The following STAB2 variants were observed in gnomAD, a reference collection of about 807,000 sequenced individuals.
STAB2 encodes the protein stabilin-2.
In STAB2, 288 loss-of-function variants were observed where a neutral mutation model predicts 338.1. That is an observed-to-expected ratio of 0.85 (90% CI 0.77 to 0.94). The LOEUF is 0.94. Among genes scored for constraint, STAB2 ranks in the 40% least tolerant of loss-of-function variants. The pLI is 0.00. For synonymous variants in STAB2, 1,202 were observed against 1,193.3 expected, an observed-to-expected ratio of 1.01 and a Z score of -0.15; for missense variants, 3,141 against 3,210.1, an observed-to-expected ratio of 0.98 and a Z score of 0.52.
At chr12:103,602,513 T>C (rs974474718) in intron 3 of STAB2, among the ~76,000 whole-genome samples, 1 of 152,196 alleles carries the variant, frequency 6.6e-6, no homozygotes, top group Non-Finnish European at 1.5e-5. Context: ...GATTGTAGAG[T>C]AAAAATATGT....
chr12:103,654,996 C>T (rs893425147), intron 13 of STAB2: 92 of 552,300 alleles, frequency 1.7e-4, no homozygotes, highest in African/African-American at 1.5e-3. Flanking sequence ...TTATAGAGGG[C>T]AGTTATTGCT....
chr12:103,658,559 A>C (rs1388400151), intron 15 of STAB2, among the ~76,000 whole-genome samples: 1 of 152,074 alleles, frequency 6.6e-6, no homozygotes, highest in African/African-American at 2.4e-5. Context: ...TTTCCTATAG[A>C]AGCATCAGAA....
At chr12:103,761,465 C>T (rs1884534688) in intron 66 of STAB2, 55 bp downstream of exon 66, 4 of 1,488,194 alleles carry the variant, frequency 2.7e-6, no homozygotes, top group Admixed American at 1.7e-5. Context: ...TGCCCACTCA[C>T]CAACAGGCAA....
At position 103,759,221 on chromosome 12, in the gene STAB2, C is replaced by T. The variant is rs76827018; in HGVS notation, c.7196C>T (p.Thr2399Met). 80 of 1,614,168 alleles carry T rather than the reference C, an allele frequency of 5.0e-5. No individual in the cohort carries two copies. The African/African-American group carries it at 8.3e-4, about 17-fold the overall frequency. ...NDLVNGTTLQTRLGSKLLITA... is the reference protein window; with the variant it reads ...NDLVNGTTLQMRLGSKLLITA... Reference sequence around the variant, plus strand: ...CTTGTCAATGGCACCACCCTGCAAACGAGGCTGGGAAGCAAGCTGCTCATC... The same window carrying T: ...CTTGTCAATGGCACCACCCTGCAAATGAGGCTGGGAAGCAAGCTGCTCATC... Residue 2399 changes from threonine (T) to methionine (M), a missense_variant, in exon 65 of 69, where the codon ACG (threonine) becomes ATG (methionine). Transcript: ENST00000388887.
intron 61 of STAB2, 193 bp from the exon 62 acceptor site, chr12:103,755,109 T>C (rs981112864): frequency 3.0e-6 from 2 of 667,784 alleles, no homozygotes; most frequent in Admixed American, 5.6e-5. Context: ...GAGAGGACAC[T>C]TTTGTTCACC....
intron 31 of STAB2, among the ~76,000 whole-genome samples, chr12:103,694,628 G>A (rs1465441771): frequency 6.6e-6 from 1 of 152,076 alleles, no homozygotes; most frequent in Non-Finnish European, 1.5e-5. Context: ...GCTTTCTACT[G>A]TAGTATGCTG....
intron 68 of STAB2, among the ~76,000 whole-genome samples, chr12:103,765,120 GTAAGTTCAGC>G (rs1884842481): frequency 6.7e-6 from 1 of 148,238 alleles, no homozygotes; most frequent in Non-Finnish European, 1.5e-5. Context: ...AAGGGAGGTG[GTAAGTTCAGC>G]TAAATTACAT....
chr12:103,741,937 T>C (rs1448636754), intron 55 of STAB2, among the ~76,000 whole-genome samples: 1 of 152,202 alleles, frequency 6.6e-6, no homozygotes, highest in Non-Finnish European at 1.5e-5. Context: ...CCACCCTCCA[T>C]CACTAAAGTG....
chr12:103,760,158 G>A (rs1593354867), intron 65 of STAB2, among the ~76,000 whole-genome samples: 1 of 152,196 alleles, frequency 6.6e-6, no homozygotes, highest in African/African-American at 2.4e-5. Flanking sequence ...TGTATTACCT[G>A]CTTTTAGGGA....
At chr12:103,690,699 A>G (rs78797192) in intron 30 of STAB2, among the ~76,000 whole-genome samples, 161 bp downstream of exon 30, 5,257 of 152,342 alleles carry the variant, frequency 0.035, 144 homozygotes, top group East Asian at 0.12. Flanking sequence ...TTATCATCAT[A>G]TATCAATACA....
intron 6 of STAB2, among the ~76,000 whole-genome samples, chr12:103,635,838 C>A (rs1366507910): frequency 6.6e-6 from 1 of 152,204 alleles, no homozygotes; most frequent in East Asian, 1.9e-4. Context: ...CCTCCCCATG[C>A]ATGACCTCCC....
chr12:103,650,230 A>G (rs1016220967), intron 10 of STAB2, among the ~76,000 whole-genome samples: 2 of 151,696 alleles, frequency 1.3e-5, no homozygotes, highest in African/African-American at 2.4e-5. Context: ...TCATGCCTGA[A>G]CTGCTCAGCC....
chr12:103,649,412 G>A (rs965646132), intron 10 of STAB2, among the ~76,000 whole-genome samples: 5 of 152,260 alleles, frequency 3.3e-5, no homozygotes, highest in African/African-American at 4.8e-5. Flanking sequence ...TGACTTCTAA[G>A]GGCCATTACT....
chr12:103,713,049 ATACTTAT>A (rs1159712780), intron 41 of STAB2, among the ~76,000 whole-genome samples: 2 of 152,194 alleles, frequency 1.3e-5, no homozygotes, highest in African/African-American at 4.8e-5. Context: ...TTGAACCTAA[ATACTTAT>A]TACTTACATT....
At position 103,664,334 on chromosome 12, in the gene STAB2, C is replaced by T. The variant is rs191131212; in HGVS notation, c.2022+1336C>T. Among the ~76,000 whole-genome samples the T allele has an allele frequency of 1.5e-4, 23 of 152,204 alleles. No homozygotes were observed. The East Asian group carries it at 4.4e-3, about 29-fold the overall frequency. On this transcript the variant is annotated intron_variant, in intron 18 of 68. Transcript: ENST00000388887. The stretch of plus-strand genomic sequence containing the variant: ...AATTTTTTTGTATTTTTAGTAGAGA[C>T]GGGGTTTCACTGTGTTCACCAGGAT...
intron 43 of STAB2, among the ~76,000 whole-genome samples, 180 bp from the exon 44 acceptor site, chr12:103,717,590 G>T (rs1029616829): frequency 6.6e-5 from 10 of 152,168 alleles, no homozygotes; most frequent in African/African-American, 2.4e-4. Context: ...AGTGTGTCAA[G>T]TGCTAAAATA....
intron 9 of STAB2, 115 bp from the exon 10 acceptor site, chr12:103,648,575 C>A: frequency 7.2e-7 from 1 of 1,387,854 alleles, no homozygotes; most frequent in Non-Finnish European, 9.7e-7. Flanking sequence ...CTCTCTTGTC[C>A]CTATTCAACC....
intron 25 of STAB2, among the ~76,000 whole-genome samples, chr12:103,681,691 G>A (rs1165204420): frequency 4.3e-5 from 6 of 140,894 alleles, no homozygotes; most frequent in Admixed American, 2.3e-4. Context: ...GTGCGATCTC[G>A]GCTCACTACA....
intron 3 of STAB2, among the ~76,000 whole-genome samples, chr12:103,611,263 G>C (rs952355328): frequency 6.6e-6 from 1 of 152,150 alleles, no homozygotes; most frequent in African/African-American, 2.4e-5. Flanking sequence ...CTGTCTCGTT[G>C]ATCTGTCTAA....
Sources: gnomAD v4.1 joint callset for allele counts (sites outside exome capture counted in the v4.1 genomes callset) on GRCh38, gnomAD v4.1.1 for gene constraint, MANE v1.5 for transcripts, NCBI Gene and HGNC (gene_info 2026-07-23, HGNC 2026-07-21) for gene names.